The following RLN2 variants were observed in gnomAD, a reference collection of about 807,000 sequenced individuals.
RLN2 encodes relaxin 2.
Under a neutral mutation model 7.3 loss-of-function variants are expected in RLN2, and 10 were observed. The ratio of observed to expected loss-of-function variants is 1.36; its 90% CI spans 0.84 to 2.31. The LOEUF (loss-of-function observed/expected upper bound fraction) is 2.31, where lower values mean the gene tolerates loss of function less well. Ranked by LOEUF, RLN2 falls within the 30% of genes most tolerant of loss-of-function variation. RLN2 has a pLI of 0.00. For missense variants in RLN2, 298 were observed against 217.6 expected (o/e 1.37, Z -2.32); for synonymous variants, 103 against 82.3 (o/e 1.25, Z -1.36).
the RLN2 span, among the ~76,000 whole-genome samples, chr9:5,321,628 T>TG: frequency 6.8e-6 from 1 of 146,132 alleles, no homozygotes; most frequent in South Asian, 2.2e-4. Context: ...GGATGCAGGG[T>TG]GGGGGGAAGC....
At chr9:5,311,616 GA>G in the RLN2 span, 8 of 1,239,946 alleles carry the variant, frequency 6.5e-6, no homozygotes, top group Non-Finnish European at 7.0e-6. Context: ...GGGAAAAAGG[GA>G]AAAGCTGATG....
chr9:5,300,126 G>T lies in RLN2; in HGVS notation c.530C>A (p.Thr177Asn). 1 of 1,601,196 alleles carries T rather than the reference G, an allele frequency of 6.2e-7. No individual in the cohort carries two copies. The highest frequency in any genetic ancestry group is 8.5e-7 in the Non-Finnish European group (1 of 1,175,820). Residue 177 changes from threonine to asparagine, a missense_variant, in exon 2 of 2, where the codon ACC (threonine) becomes AAC (asparagine). Physicochemically the swap from Thr to Asn is moderately conservative, Grantham distance 65. Transcript: ENST00000381627. ...GCAAAATCTAGCAAGAGATCTTTTG[G>T]TACAACCAACATGGCAACATTTATT... is the stretch of plus-strand genomic sequence containing the variant. Reference protein sequence around the residue: ...LANKCCHVGCTKRSLARFC With the variant: ...LANKCCHVGCNKRSLARFC
Position 5,304,658 on chromosome 9 carries a change from C to A in RLN2, c.-78G>T. ...AGCTGCTGTGGCCTACACACCTGGG[C>A]CTGTGTGCCTGTCCCGGGCTTTAGG... On this transcript the variant is annotated 5_prime_UTR_variant, in exon 1 of 2. Coordinates refer to ENST00000381627, the MANE Select transcript of RLN2 (RefSeq NM_134441.3). The A allele has an allele frequency of 2.8e-6, 4 of 1,424,070 alleles. No homozygotes were observed. Among genetic ancestry groups the A allele is most frequent in the African/African-American group, 1.4e-5 (1 of 71,442 alleles). 88.2% of individuals were successfully genotyped at this position (1,424,070 alleles called of 1,614,324 possible).
At chr9:5,321,774 G>A in the RLN2 span, among the ~76,000 whole-genome samples, 38,653 of 151,376 alleles carry the variant, frequency 0.26, 5,292 homozygotes, top group East Asian at 0.4. Context: ...CAAGAACACT[G>A]CAAGCAGCTG....
the RLN2 span, among the ~76,000 whole-genome samples, chr9:5,328,450 G>C: frequency 6.6e-6 from 1 of 152,080 alleles, no homozygotes; most frequent in Non-Finnish European, 1.5e-5. Context: ...TGTACTGGAA[G>C]TGACGGGGAG....
In RLN2 at chr9:5,300,390, T is replaced by A. The variant is rs758618117; in HGVS notation, c.266A>T (p.Glu89Val). 6.2e-7 allele frequency: 1 copy of A among 1,612,804 alleles called. No homozygotes were observed. Residue 89 changes from glutamate to valine, a missense_variant, in exon 2 of 2, where the codon GAA becomes GTA. Transcript: ENST00000381627. ...KDTETINMMSEFVANLPQELK... is the reference protein window; with the variant it reads ...KDTETINMMSVFVANLPQELK... ...CTCCTGTGGCAAATTAGCAACAAAT[T>A]CTGACATCATATTTATGGTTTCTGT...
chr9:5,305,904 T>C (rs575203908), upstream of RLN2, among the ~76,000 whole-genome samples: 9 of 152,100 alleles, frequency 5.9e-5, no homozygotes, highest in African/African-American at 2.2e-4. Flanking sequence ...TGACCAAGAC[T>C]ATGAGATGGT....
the RLN2 span, among the ~76,000 whole-genome samples, chr9:5,318,821 C>G: frequency 1.3e-5 from 2 of 151,936 alleles, no homozygotes; most frequent in Non-Finnish European, 2.9e-5. Flanking sequence ...CAATGTTTAA[C>G]CATTTGCTGA....
upstream of RLN2, among the ~76,000 whole-genome samples, chr9:5,305,402 C>CACACAGAGAG (rs397829533): frequency 1.8e-4 from 20 of 112,256 alleles, 1 homozygote; most frequent in South Asian, 9.4e-4. Flanking sequence ...CACACACACA[C>CACACAGAGAG]AGAGAGAGAG....
the RLN2 span, among the ~76,000 whole-genome samples, chr9:5,323,858 C>T: frequency 6.6e-6 from 1 of 151,846 alleles, no homozygotes; most frequent in Non-Finnish European, 1.5e-5. Flanking sequence ...ACCAACCTGG[C>T]CAACATGGCT....
the RLN2 span, chr9:5,335,668 T>C: frequency 3.3e-6 from 3 of 911,836 alleles, no homozygotes; most frequent in South Asian, 5.0e-5. Flanking sequence ...AAACTGTGAA[T>C]GTTTGCATAC....
chr9:5,302,310 T>C (rs1241036193), intron 1 of RLN2, among the ~76,000 whole-genome samples: 2 of 152,206 alleles, frequency 1.3e-5, no homozygotes, highest in African/African-American at 4.8e-5. Context: ...TAAATCTCAC[T>C]AAAATAGGCC....
the RLN2 span, among the ~76,000 whole-genome samples, chr9:5,317,170 A>G: frequency 1.3e-5 from 2 of 152,064 alleles, no homozygotes; most frequent in Non-Finnish European, 2.9e-5. Context: ...CTATAAAATA[A>G]CCAGAAAACA....
the RLN2 span, among the ~76,000 whole-genome samples, chr9:5,320,271 C>A: frequency 1.3e-5 from 2 of 151,608 alleles, no homozygotes; most frequent in Admixed American, 6.6e-5. Context: ...CAGGTGTGAG[C>A]CACCACACCC....
the RLN2 span, among the ~76,000 whole-genome samples, chr9:5,330,233 C>G: frequency 6.6e-6 from 1 of 151,998 alleles, no homozygotes; most frequent in African/African-American, 2.4e-5. Context: ...ACACAATGTA[C>G]CAGAATCTCT....
At chr9:5,304,160 G>A in intron 1 of RLN2, 1 of 454,672 alleles carries the variant, frequency 2.2e-6, no homozygotes, top group Non-Finnish European at 3.7e-6. Flanking sequence ...CCCTCCGTCC[G>A]GTGAGATTCC....
chr9:5,324,285 C>T, the RLN2 span, among the ~76,000 whole-genome samples: 2 of 151,954 alleles, frequency 1.3e-5, no homozygotes, highest in African/African-American at 2.4e-5. Context: ...GAAAATTACG[C>T]ATAATCCCCA....
upstream of RLN2, among the ~76,000 whole-genome samples, chr9:5,306,209 GC>G (rs1397301184): frequency 1.3e-5 from 2 of 149,512 alleles, no homozygotes; most frequent in Non-Finnish European, 3.0e-5. Context: ...CCAGGTTCAA[GC>G]AATTCTCCTG....
At chr9:5,326,358 C>T in the RLN2 span, among the ~76,000 whole-genome samples, 1 of 152,106 alleles carries the variant, frequency 6.6e-6, no homozygotes, top group Non-Finnish European at 1.5e-5. Context: ...GATCCAGTGA[C>T]AGGTGGAGCC....
Sources: allele counts gnomAD v4.1 joint callset (sites outside exome capture counted in the v4.1 genomes callset), GRCh38; gene constraint gnomAD v4.1.1; transcripts MANE v1.5; gene names NCBI Gene and HGNC (gene_info 2026-07-23, HGNC 2026-07-21).